The following RANBP2 variants were observed in gnomAD, a reference collection of about 807,000 sequenced individuals.
The protein encoded by RANBP2 is E3 SUMO-protein ligase RanBP2.
RANBP2 carries 57 observed loss-of-function variants against 303.6 expected under a neutral mutation model. That is an observed-to-expected ratio of 0.19 (90% CI 0.15 to 0.23). The LOEUF is 0.23. RANBP2 is among the 10% of genes least tolerant of loss of function. The pLI is 1.00. For missense variants in RANBP2, 3,138 were observed against 3,780.8 expected, an observed-to-expected ratio of 0.83 and a Z score of 4.46; for synonymous variants, 1,167 against 1,301.5, an observed-to-expected ratio of 0.90 and a Z score of 2.23.
the RANBP2 span, among the ~76,000 whole-genome samples, chr2:109,105,857 T>TG: frequency 6.9e-6 from 1 of 144,604 alleles, no homozygotes; most frequent in African/African-American, 2.5e-5. Context: ...GCCTGGTCTT[T>TG]TTTTTTTTTT....
chr2:108,797,365 A>C, the RANBP2 span, among the ~76,000 whole-genome samples: 2 of 152,228 alleles, frequency 1.3e-5, no homozygotes, highest in Non-Finnish European at 2.9e-5. Context: ...GCAGTATAAA[A>C]TGCTATTGAG....
chr2:108,943,936 A>G, the RANBP2 span, among the ~76,000 whole-genome samples: 2 of 152,190 alleles, frequency 1.3e-5, no homozygotes, highest in Non-Finnish European at 2.9e-5. Flanking sequence ...ACAGGGAGAC[A>G]GGTTTTCCTG....
the RANBP2 span, among the ~76,000 whole-genome samples, chr2:109,333,621 A>C: frequency 2.0e-5 from 3 of 152,216 alleles, no homozygotes; most frequent in African/African-American, 7.2e-5. Context: ...TACAGCTAAC[A>C]CTGATGGCCT....
chr2:109,411,394 G>A, the RANBP2 span, among the ~76,000 whole-genome samples: 1 of 152,214 alleles, frequency 6.6e-6, no homozygotes, highest in African/African-American at 2.4e-5. Context: ...CAGGCCTCGT[G>A]TTCTTGGGAG....
At chr2:109,129,606 C>G in the RANBP2 span, 1 of 1,479,762 alleles carries the variant, frequency 6.8e-7, no homozygotes, top group African/African-American at 1.5e-5. Context: ...AGAGCGAGGG[C>G]GACGAGGACA....
chr2:109,200,923 T>G, the RANBP2 span, among the ~76,000 whole-genome samples: 2 of 152,120 alleles, frequency 1.3e-5, no homozygotes, highest in Non-Finnish European at 2.9e-5. Flanking sequence ...TGGGTGCTGT[T>G]GGGATAGTGC....
the RANBP2 span, among the ~76,000 whole-genome samples, chr2:109,044,669 G>C: frequency 6.6e-6 from 1 of 152,004 alleles, no homozygotes; most frequent in South Asian, 2.1e-4. Flanking sequence ...AAACTAATAG[G>C]GTTTACTGTG....
the RANBP2 span, chr2:109,585,637 G>T: frequency 1.1e-6 from 1 of 915,958 alleles, no homozygotes; most frequent in Non-Finnish European, 1.8e-6. Flanking sequence ...TTGATAACAT[G>T]AGCATTGTTC....
chr2:108,799,097 C>G, the RANBP2 span, among the ~76,000 whole-genome samples: 1 of 152,040 alleles, frequency 6.6e-6, no homozygotes, highest in Non-Finnish European at 1.5e-5. Flanking sequence ...AAGATTCATG[C>G]GTTATATTTG....
chr2:109,585,096 C>G, the RANBP2 span: 1 of 1,417,678 alleles, frequency 7.1e-7, no homozygotes, highest in Non-Finnish European at 9.5e-7. Flanking sequence ...ATAAGAAAAA[C>G]TTGTTTTATT....
At chr2:109,199,592 T>TTAACC in the RANBP2 span, among the ~76,000 whole-genome samples, 4 of 136 alleles carry the variant, frequency 0.029, no homozygotes, top group African/African-American at 0.031. Context: ...TGGAATGGAA[T>TTAACC]GGAATGGAAT....
the RANBP2 span, among the ~76,000 whole-genome samples, chr2:109,524,924 C>T: frequency 6.6e-6 from 1 of 152,076 alleles, no homozygotes; most frequent in African/African-American, 2.4e-5. Flanking sequence ...CTGGGTTCCT[C>T]CTCGGCGCAG....
the RANBP2 span, among the ~76,000 whole-genome samples, chr2:109,134,042 C>T: frequency 1.2e-4 from 19 of 152,096 alleles, no homozygotes; most frequent in African/African-American, 3.9e-4. Flanking sequence ...CTTTGGGTCT[C>T]GACAGTTGAA....
chr2:109,240,562 C>G, the RANBP2 span, among the ~76,000 whole-genome samples: 1 of 152,172 alleles, frequency 6.6e-6, no homozygotes, highest in Non-Finnish European at 1.5e-5. Flanking sequence ...GCAGAGTCCC[C>G]TGGTGTGGCA....
chr2:109,125,618 A>G, the RANBP2 span, among the ~76,000 whole-genome samples: 1 of 152,252 alleles, frequency 6.6e-6, no homozygotes, highest in African/African-American at 2.4e-5. Context: ...AGGCATCCGA[A>G]GATTTCGTTA....
At chr2:108,975,620 A>C in the RANBP2 span, among the ~76,000 whole-genome samples, 3 of 152,144 alleles carry the variant, frequency 2.0e-5, no homozygotes, top group East Asian at 3.9e-4. Flanking sequence ...GGCAGCCAGC[A>C]CCAATAAGCC....
chr2:109,246,855 G>A, the RANBP2 span, among the ~76,000 whole-genome samples: 1 of 152,126 alleles, frequency 6.6e-6, no homozygotes, highest in Non-Finnish European at 1.5e-5. Context: ...CGATGCTGGG[G>A]GTGTCTTCCT....
chr2:109,564,685 T>G, the RANBP2 span: 4 of 645,264 alleles, frequency 6.2e-6, no homozygotes, highest in Non-Finnish European at 9.4e-6. Context: ...ATTTTATACA[T>G]GTAACCAAGG....
At chr2:108,914,504 T>A in the RANBP2 span, among the ~76,000 whole-genome samples, 1 of 152,146 alleles carries the variant, frequency 6.6e-6, no homozygotes, top group African/African-American at 2.4e-5. Context: ...AAAGTGTGAC[T>A]TAGCGGGGAT....
Sources: allele counts gnomAD v4.1 joint callset (sites outside exome capture counted in the v4.1 genomes callset), GRCh38; gene constraint gnomAD v4.1.1; transcripts MANE v1.5; gene names NCBI Gene and HGNC (gene_info 2026-07-23, HGNC 2026-07-21).